PCDH7: variants seen among roughly 807,000 people sequenced by gnomAD.
The protein encoded by PCDH7 is protocadherin 7.
PCDH7 carries 17 observed loss-of-function variants against 58.9 expected under a neutral mutation model. The observed-to-expected ratio is 0.29, with a 90% CI of 0.20 to 0.43. PCDH7 has a LOEUF of 0.43. Ranked by LOEUF, PCDH7 falls within the 20% of genes least tolerant of loss-of-function variation. The pLI, the probability that PCDH7 is intolerant of heterozygous loss-of-function variation, is 1.00. For synonymous variants in PCDH7, 664 were observed against 616.4 expected (o/e 1.08, Z -1.14); for missense variants, 1,274 against 1,441.0 (o/e 0.88, Z 1.88).
chr4:30,908,981 C>G (rs61794533), intron 1 of PCDH7, among the ~76,000 whole-genome samples: 7,333 of 152,138 alleles, frequency 0.048, 374 homozygotes, highest in East Asian at 0.26. Flanking sequence ...GCTTATGTAC[C>G]ACGATCAAGT....
At chr4:31,090,779 T>G (rs767856280) in intron 3 of PCDH7, among the ~76,000 whole-genome samples, 1 of 152,068 alleles carries the variant, frequency 6.6e-6, no homozygotes, top group Non-Finnish European at 1.5e-5. Flanking sequence ...TAAAGATATT[T>G]CTTGACTATT....
intron 1 of PCDH7, among the ~76,000 whole-genome samples, chr4:30,769,454 A>G (rs760651894): frequency 2.2e-4 from 34 of 152,130 alleles, no homozygotes; most frequent in Non-Finnish European, 2.2e-4. Context: ...GATAAGCCTC[A>G]ATTTGGCTTT....
rs989235526 is a variant in PCDH7 at position 31,007,748 on chromosome 4, T to G, written c.*7+57533T>G. ...TGCCGTATGTGGTAAGAAAATTAGA[T>G]AGTGCACTTAAAATGATTCAATAAT... On this transcript the variant is annotated intron_variant, in intron 3 of 3. Transcript: ENST00000509759. Among the ~76,000 whole-genome samples the G allele has an allele frequency of 1.4e-4, 22 of 152,264 alleles. No individual in the cohort carries two copies. The East Asian group carries it at 3.1e-3, about 21-fold the overall frequency.
chr4:31,083,074 C>G (rs1197050713), intron 3 of PCDH7, among the ~76,000 whole-genome samples: 9 of 152,238 alleles, frequency 5.9e-5, no homozygotes, highest in South Asian at 4.1e-4. Context: ...CGCCACTGCA[C>G]TCCAGCCTGG....
intron 1 of PCDH7, among the ~76,000 whole-genome samples, chr4:30,884,243 T>C (rs1413859229): frequency 6.6e-6 from 1 of 152,150 alleles, no homozygotes; most frequent in African/African-American, 2.4e-5. Flanking sequence ...GTAGGCATTT[T>C]TGGCACTGAT....
chr4:30,875,192 G>A (rs1356022972), intron 1 of PCDH7, among the ~76,000 whole-genome samples: 2 of 152,040 alleles, frequency 1.3e-5, no homozygotes, highest in Non-Finnish European at 2.9e-5. Flanking sequence ...GAGCTGTTCC[G>A]AACCTCTCTT....
At chr4:31,106,022 A>AT (rs36105849) in intron 3 of PCDH7, among the ~76,000 whole-genome samples, 27,896 of 145,726 alleles carry the variant, frequency 0.19, 2,685 homozygotes, top group Middle Eastern at 0.26. Flanking sequence ...AAGAAAAAAA[A>AT]AATATATATA....
Position 30,808,304 on chromosome 4 carries a change from T to C in PCDH7, c.70+83708T>C, listed in dbSNP as rs1318309047. On this transcript the variant is annotated intron_variant, in intron 1 of 3. Coordinates refer to the PCDH7 transcript ENST00000509759. ...TCTTAATGGATTTGTTAAGAAGATG[T>C]TTGAATAACAACTATTTTTTAGCTT... Among the ~76,000 whole-genome samples the C allele has an allele frequency of 2.0e-5, 3 of 152,200 alleles. 1 individual carries two copies. Among genetic ancestry groups the C allele is most frequent in the Admixed American group, 1.3e-4 (2 of 15,278 alleles).
At chr4:30,755,105 A>C (rs1398442210) in intron 1 of PCDH7, among the ~76,000 whole-genome samples, 2 of 152,188 alleles carry the variant, frequency 1.3e-5, no homozygotes, top group African/African-American at 4.8e-5. Context: ...GGGCTAGCTG[A>C]CTCCAGAGCT....
intron 1 of PCDH7, among the ~76,000 whole-genome samples, chr4:30,767,031 A>G (rs901438078): frequency 6.6e-6 from 1 of 152,120 alleles, no homozygotes; most frequent in African/African-American, 2.4e-5. Flanking sequence ...GTATAAACCT[A>G]TATCTGATAC....
chr4:30,861,247 T>C (rs963139209), intron 1 of PCDH7, among the ~76,000 whole-genome samples: 2 of 152,172 alleles, frequency 1.3e-5, no homozygotes, highest in East Asian at 1.9e-4. Context: ...GTTTTTCCGG[T>C]AGAGGTAATT....
intron 1 of PCDH7, among the ~76,000 whole-genome samples, chr4:30,913,505 T>G (rs1742043183): frequency 1.3e-5 from 2 of 152,140 alleles, no homozygotes; most frequent in African/African-American, 2.4e-5. Flanking sequence ...ATTTGGCTGC[T>G]AGTTTATTTT....
At chr4:30,850,593 C>T (rs538813098) in intron 1 of PCDH7, among the ~76,000 whole-genome samples, 1 of 152,134 alleles carries the variant, frequency 6.6e-6, no homozygotes, top group East Asian at 1.9e-4. Context: ...GTTCTGCATC[C>T]ATTCCAGGTA....
At position 30,721,283 on chromosome 4, in the gene PCDH7, C is replaced by T; in HGVS notation, c.-140C>T. 1.2e-6 allele frequency: 1 copy of T among 847,040 alleles called. No homozygotes were observed. The highest frequency in any genetic ancestry group is 2.0e-5 in the South Asian group (1 of 49,914). 52.5% of individuals were successfully genotyped at this position (847,040 alleles called of 1,614,324 possible). The stretch of plus-strand genomic sequence containing the variant: ...GCCAACTCTCCACGCCGCTTTTGCC[C>T]CCTCCCTCCCCTCCCTCTCGCTCCT... On this transcript the variant is annotated 5_prime_UTR_variant, in exon 1 of 2. Coordinates refer to ENST00000361762, the Ensembl canonical transcript of PCDH7. The surrounding 1 kb of genome is among the most constrained non-coding windows in gnomAD (Gnocchi z 6.7).
chr4:30,870,296 C>T (rs1367935014), intron 1 of PCDH7, among the ~76,000 whole-genome samples: 1 of 151,936 alleles, frequency 6.6e-6, no homozygotes, highest in Non-Finnish European at 1.5e-5. Flanking sequence ...TAATTAGATC[C>T]CATTTGTCAA....
At chr4:30,877,750 G>C (rs1392071725) in intron 1 of PCDH7, among the ~76,000 whole-genome samples, 3 of 152,050 alleles carry the variant, frequency 2.0e-5, no homozygotes, top group African/African-American at 7.2e-5. Context: ...CATACATATA[G>C]CTTTAGGCAG....
chr4:30,915,683 C>T (rs1742364246), intron 1 of PCDH7, among the ~76,000 whole-genome samples: 1 of 152,064 alleles, frequency 6.6e-6, no homozygotes, highest in South Asian at 2.1e-4. Context: ...ACCACCACGT[C>T]CAGCTAATTT....
intron 3 of PCDH7, among the ~76,000 whole-genome samples, chr4:30,963,661 G>A (rs1315597265): frequency 6.6e-6 from 1 of 152,124 alleles, no homozygotes; most frequent in East Asian, 1.9e-4. Flanking sequence ...AGAGTAAGAT[G>A]GTATAGGCTG....
chr4:31,009,157 A>C (rs1752993747), intron 3 of PCDH7, among the ~76,000 whole-genome samples: 1 of 152,098 alleles, frequency 6.6e-6, no homozygotes, highest in Admixed American at 6.6e-5. Context: ...ACATGGAAAT[A>C]TTGTGTAATG....
Sources: gnomAD v4.1 joint callset for allele counts (sites outside exome capture counted in the v4.1 genomes callset) on GRCh38, gnomAD v4.1.1 for gene constraint, Gnocchi (gnomAD v3.1) non-coding constraint, MANE v1.5 for transcripts, NCBI Gene and HGNC (gene_info 2026-07-23, HGNC 2026-07-21) for gene names.